Variants in LONP1 observed in about 807,000 individuals in gnomAD.
LONP1 encodes the protein lon peptidase 1, mitochondrial.
LONP1 carries 31 observed loss-of-function variants against 98.5 expected under a neutral mutation model. The observed-to-expected ratio is 0.31, with a 90% CI of 0.24 to 0.42. LONP1 has a LOEUF of 0.42. Among genes scored for constraint, LONP1 ranks in the 20% least tolerant of loss-of-function variants. The pLI is 1.00. For missense variants in LONP1, 1,336 were observed against 1,350.6 expected (o/e 0.99, Z 0.17); for synonymous variants, 781 against 594.7 (o/e 1.31, Z -4.56).
intron 1 of LONP1, among the ~76,000 whole-genome samples, chr19:5,718,370 C>G (rs2055356487): frequency 6.6e-6 from 1 of 151,474 alleles, no homozygotes; most frequent in African/African-American, 2.4e-5. Flanking sequence ...CCCAGCTACT[C>G]AGGGGGCTGA....
At position 5,694,386 on chromosome 19, in the gene LONP1, C is replaced by A; in HGVS notation, c.2320+1G>T. 1 of 1,612,796 alleles carries A rather than the reference C, an allele frequency of 6.2e-7. No homozygotes were observed. Among genetic ancestry groups the A allele is most frequent in the Non-Finnish European group, 8.5e-7 (1 of 1,179,438 alleles). On this transcript the variant is annotated splice_donor_variant, in intron 15 of 17. Transcript: ENST00000360614. LOFTEE classifies it high-confidence loss of function. The stretch of plus-strand genomic sequence containing the variant: ...GGGTCTTCTCCCGCCACCACGCTCA[C>A]CCATTGCGGTCCAGGCCAGCCCCAT...
Position 5,719,047 on chromosome 19 carries a change from T to C in LONP1, c.429+657A>G, listed in dbSNP as rs1348428357. Reference sequence around the variant, plus strand: ...AACATCTTTATTGCCTGTCTCATCCTGCCAAAATGTAAGCTCCAAGGCAGA... The same window carrying C: ...AACATCTTTATTGCCTGTCTCATCCCGCCAAAATGTAAGCTCCAAGGCAGA... On this transcript the variant is annotated intron_variant, in intron 1 of 17. Coordinates refer to ENST00000360614, the MANE Select transcript of LONP1 (RefSeq NM_004793.4). Among the ~76,000 whole-genome samples, 5 of 152,192 alleles carry C rather than the reference T, an allele frequency of 3.3e-5. No individual in the cohort carries two copies. The South Asian group carries it at 8.3e-4, about 25-fold the overall frequency.
chr19:5,710,082 ATT>A (rs35535433), intron 4 of LONP1, among the ~76,000 whole-genome samples: 30 of 137,466 alleles, frequency 2.2e-4, no homozygotes, highest in Admixed American at 3.7e-4. Flanking sequence ...GGCTGTCTGA[ATT>A]TTTTTTTTTT....
chr19:5,700,749 C>G, intron 9 of LONP1, 40 bp downstream of exon 9: 2 of 1,611,564 alleles, frequency 1.2e-6, no homozygotes, highest in Non-Finnish European at 1.7e-6. Context: ...GGCCCGGGCA[C>G]CCACATGCAA....
At chr19:5,698,432 C>A (rs1312465949) in intron 10 of LONP1, among the ~76,000 whole-genome samples, 1 of 152,194 alleles carries the variant, frequency 6.6e-6, no homozygotes, top group East Asian at 1.9e-4. Flanking sequence ...GGAGGGAAGC[C>A]CCAGAAAAGC....
rs1227459099 is a variant in LONP1, at chr19:5,692,858, C to G, written c.2703+440G>C. ...TGCACCAGGCTTCCTAGACACATGG[C>G]AAGTGTGGTCCAGTCTGGGGACAGG... On this transcript the variant is annotated intron_variant, in intron 17 of 17. Transcript: ENST00000360614. Among the ~76,000 whole-genome samples, 10 of 152,132 alleles carry G rather than the reference C, an allele frequency of 6.6e-5. No homozygotes were observed. In the South Asian group the frequency reaches 2.1e-3, roughly 31 times the overall value.
intron 8 of LONP1, among the ~76,000 whole-genome samples, chr19:5,703,392 AG>A (rs2055091925): frequency 6.6e-6 from 1 of 152,028 alleles, no homozygotes; most frequent in African/African-American, 2.4e-5. Flanking sequence ...AATGGAGGCC[AG>A]GTCCCCTGCC....
In LONP1 at chr19:5,696,162, G is replaced by A; in HGVS notation, c.1905C>T (p.Phe635=). ...DVPVDLSKVL[F]ICTANVTDTI... is the part of the protein sequence containing the mutation. ...TGTCCGTGACGTTGGCCGTGCAGAT[G>A]AACAGCACCTGGGGGCGGCGGCAAG... The change falls in exon 13 of 18, where the codon TTC becomes TTT. Residue 635 remains phenylalanine, a synonymous_variant. Transcript: ENST00000360614. 1.2e-6 allele frequency: 2 copies of A among 1,612,910 alleles called. No individual in the cohort carries two copies. The highest frequency in any genetic ancestry group is 1.7e-6 in the Non-Finnish European group (2 of 1,179,864).
Position 5,691,976 on chromosome 19 carries a change from T to TCAGTTCTGGCCCAGAGAGGGCCTGACATC in LONP1, c.*55_*56insGATGTCAGGCCCTCTCTGGGCCAGAACTG. 6.5e-7 allele frequency: 1 copy of TCAGTTCTGGCCCAGAGAGGGCCTGACATC among 1,536,482 alleles called. No individual in the cohort carries two copies. The highest frequency in any genetic ancestry group is 1.2e-5 in the South Asian group (1 of 81,578). On this transcript the variant is annotated 3_prime_UTR_variant, in exon 18 of 18. Transcript: ENST00000360614. ...GGTCCGGGCGCGCTCCCCACAGCGC[T>TCAGTTCTGGCCCAGAGAGGGCCTGACATC]CAGTTCTGGCCCAGACAGGGCCTGA...
chr19:5,697,638 G>C (rs1439183965), intron 10 of LONP1, among the ~76,000 whole-genome samples: 1 of 151,528 alleles, frequency 6.6e-6, no homozygotes, highest in East Asian at 1.9e-4. Context: ...CCTGTGGGCT[G>C]CAGTGAGAAC....
At chr19:5,713,068 C>A in intron 3 of LONP1, 66 bp downstream of exon 3, 1 of 1,607,102 alleles carries the variant, frequency 6.2e-7, no homozygotes, top group Non-Finnish European at 8.5e-7. Context: ...GGGCATAAGG[C>A]ATCCTGGCTG....
At chr19:5,707,861 G>GC (rs1208543259) in intron 5 of LONP1, 35 bp from the exon 6 acceptor site, 5 of 1,609,484 alleles carry the variant, frequency 3.1e-6, no homozygotes, top group Non-Finnish European at 4.2e-6. Context: ...GGTGGCCAGG[G>GC]CCTCACGCTC....
intron 8 of LONP1, among the ~76,000 whole-genome samples, chr19:5,701,996 A>G (rs1358574244): frequency 2.0e-5 from 3 of 148,614 alleles, no homozygotes; most frequent in African/African-American, 7.6e-5. Flanking sequence ...AGAAGTGAGG[A>G]GACCCTCTGC....
chr19:5,707,715 G>A lies in LONP1; in HGVS notation c.1044C>T (p.Asp348=), dbSNP rs751274908. ...LTGAESHELQ[D]VLEETNIPKR... Reference sequence around the variant, plus strand: ...CACTCACATTGGTCTCTTCCAGGACGTCCTGCAGCTCATGGGACTCGGCCC... The same window carrying A: ...CACTCACATTGGTCTCTTCCAGGACATCCTGCAGCTCATGGGACTCGGCCC... The change falls in exon 6 of 18, where the codon GAC becomes GAT. Residue 348 remains aspartate, a synonymous_variant. Coordinates refer to ENST00000360614, the MANE Select transcript of LONP1 (RefSeq NM_004793.4). The A allele has an allele frequency of 6.8e-6, 11 of 1,612,772 alleles. No homozygotes were observed. The highest frequency in any genetic ancestry group is 1.7e-5 in the Admixed American group (1 of 59,924).
At position 5,711,826 on chromosome 19, in the gene LONP1, A is replaced by G. The variant is rs2055241742; in HGVS notation, c.815T>C (p.Met272Thr). Residue 272 changes from methionine (M) to threonine (T), a missense_variant, in exon 4 of 18, where the codon ATG becomes ACG. By Grantham distance (81) the Met-to-Thr change is moderately conservative. Transcript: ENST00000360614. ...PTPELPAEVL[M>T]VEVENVVHED... Reference sequence around the variant, plus strand: ...GTGGACAACGTTCTCTACCTCCACCATGAGCACCTCAGCCGGGAGCTCAGG... The same window carrying G: ...GTGGACAACGTTCTCTACCTCCACCGTGAGCACCTCAGCCGGGAGCTCAGG... The G allele has an allele frequency of 8.1e-6, 13 of 1,612,746 alleles. No individual in the cohort carries two copies. The highest frequency in any genetic ancestry group is 1.1e-5 in the South Asian group (1 of 91,080).
In LONP1 at chr19:5,694,852, T is replaced by G. The variant is rs929468448; in HGVS notation, c.2063A>C (p.Lys688Thr). 4 of 1,603,454 alleles carry G rather than the reference T, an allele frequency of 2.5e-6. No individual in the cohort carries two copies. The highest frequency in any genetic ancestry group is 3.4e-6 in the Non-Finnish European group (4 of 1,172,274). Residue 688 changes from lysine to threonine, a missense_variant, in exon 14 of 18, where the codon AAG (lysine) becomes ACG (threonine). Coordinates refer to ENST00000360614, the MANE Select transcript of LONP1 (RefSeq NM_004793.4). ...ARALCGLDES[K>T]AKLSSDVLTL... ...CAGCACGTCCGATGACAGCTTGGCCTTGCTCTCATCCAAGCCACACAGGGC... is the reference window on the plus strand; with the variant it reads ...CAGCACGTCCGATGACAGCTTGGCCGTGCTCTCATCCAAGCCACACAGGGC...
rs1275324784 is a variant in LONP1, at chr19:5,707,114, G to A, written c.1092C>T (p.Ser364=). ...TCAGTTCAAATTCCTTCTTCAGCAG[G>A]GAGAGGGCCTTGTACAGCCGCTTAG... ...NIPKRLYKAL[S]LLKKEFELSK... The change falls in exon 7 of 18, where the codon TCC becomes TCT. Residue 364 remains serine (S), a synonymous_variant. Coordinates refer to ENST00000360614, the MANE Select transcript of LONP1 (RefSeq NM_004793.4). 1.7e-5 allele frequency: 28 copies of A among 1,613,150 alleles called. No individual in the cohort carries two copies. In the Admixed American group the frequency reaches 4.2e-4, roughly 24 times the overall value.
intron 10 of LONP1, among the ~76,000 whole-genome samples, chr19:5,698,646 A>G (rs1356266859): frequency 1.3e-5 from 2 of 151,612 alleles, no homozygotes; most frequent in Admixed American, 6.6e-5. Flanking sequence ...GGTGGAGCCG[A>G]CCCCACCCCT....
Position 5,696,052 on chromosome 19 carries a change from A to G in LONP1, c.2013+2T>C. ...ACAGCAGTGGGGAGGGGCTGGGCTT[A>G]CCTCCGCAATGGCCAGCTTCTCCTG... is the stretch of plus-strand genomic sequence containing the variant. On this transcript the variant is annotated splice_donor_variant, in intron 13 of 17. Coordinates refer to ENST00000360614, the MANE Select transcript of LONP1 (RefSeq NM_004793.4). LOFTEE classifies it high-confidence loss of function. 1 of 1,610,858 alleles carries G rather than the reference A, an allele frequency of 6.2e-7. No individual in the cohort carries two copies. Among genetic ancestry groups the G allele is most frequent in the Non-Finnish European group, 8.5e-7 (1 of 1,179,162 alleles).
Sources: allele counts gnomAD v4.1 joint callset (sites outside exome capture counted in the v4.1 genomes callset), GRCh38; gene constraint gnomAD v4.1.1; transcripts MANE v1.5; gene names NCBI Gene and HGNC (gene_info 2026-07-23, HGNC 2026-07-21).